Variants in AMY1C observed in about 807,000 individuals in gnomAD.
AMY1C encodes alpha-amylase 1C.
In AMY1C, 3 loss-of-function variants were observed where a neutral mutation model predicts 13.4. The observed-to-expected ratio is 0.22, with a 90% CI of 0.10 to 0.58. The LOEUF is 0.58. Among genes scored for constraint, AMY1C ranks in the 20% least tolerant of loss-of-function variants. The pLI, the probability that AMY1C is intolerant of heterozygous loss-of-function variation, is 0.91. For missense variants in AMY1C, 5 were observed against 96.4 expected (o/e 0.05, Z 3.97); for synonymous variants, 1 against 28.5 (o/e 0.04, Z 3.07).
intron 8 of AMY1C, among the ~76,000 whole-genome samples, chr1:103,756,377 T>TA (rs778687116): frequency 5.5e-3 from 6 of 1,086 alleles, no homozygotes; most frequent in Admixed American, 0.011. Context: ...TACTGAAAAT[T>TA]AAAAAAAAAA....
intron 6 of AMY1C, 117 bp from the exon 7 acceptor site, chr1:103,754,378 CTAAT>C: frequency 3.2e-6 from 2 of 631,530 alleles, no homozygotes; most frequent in Non-Finnish European, 2.5e-6. Flanking sequence ...GAGTAACCAT[CTAAT>C]TAGAGAAAGA....
chr1:103,750,294 TGA>T, intron 1 of AMY1C, 128 bp from the exon 2 acceptor site: 1 of 733,522 alleles, frequency 1.4e-6, no homozygotes, highest in Admixed American at 4.4e-5. Flanking sequence ...ATGATTTCCA[TGA>T]GAGACTTTTT....
At chr1:103,755,582 ATTCCTTTCAGT>A (rs1653931038) in intron 8 of AMY1C, among the ~76,000 whole-genome samples, 1 of 47,832 alleles carries the variant, frequency 2.1e-5, no homozygotes, top group African/African-American at 6.9e-5. Context: ...CTTTTTTTAG[ATTCCTTTCAGT>A]TTGAGAAGTC....
At position 103,750,458 on chromosome 1, in the gene AMY1C, C is replaced by T; in HGVS notation, c.-12C>T. The T allele has an allele frequency of 1.3e-5, 3 of 230,170 alleles. No homozygotes were observed. Among genetic ancestry groups the T allele is most frequent in the East Asian group, 9.3e-5 (1 of 10,762 alleles). The allele number at this position is 230,170 out of a possible 1,614,324, so 14.3% of individuals were successfully genotyped here. A position where few individuals can be genotyped will look rare whatever the true frequency, so the allele number is the denominator to read the frequency against. On this transcript the variant is annotated 5_prime_UTR_variant, in exon 2 of 11. Coordinates refer to ENST00000622339, the MANE Select transcript of AMY1C (RefSeq NM_001008219.3). The stretch of plus-strand genomic sequence containing the variant: ...TAGTTTCTGGAAAGGACACTGACAA[C>T]TTCAAAGCAAAATGAAGCTCTTTTG...
intron 7 of AMY1C, 37 bp downstream of exon 7, chr1:103,754,658 T>C (rs1195749935): frequency 6.3e-7 from 1 of 1,583,440 alleles, no homozygotes; most frequent in African/African-American, 1.4e-5. Context: ...AACACCTCTT[T>C]TAATGATGGT....
At chr1:103,755,497 G>C (rs1653927902) in intron 8 of AMY1C, among the ~76,000 whole-genome samples, 2 of 68,052 alleles carry the variant, frequency 2.9e-5, no homozygotes, top group South Asian at 5.1e-4. Context: ...CTAAAGGGTT[G>C]AGAAACAGCA....
At chr1:103,755,604 C>T (rs1267088337) in intron 8 of AMY1C, among the ~76,000 whole-genome samples, 36 of 84,620 alleles carry the variant, frequency 4.3e-4, no homozygotes, top group African/African-American at 1.1e-3. Context: ...TTGAGAAGTC[C>T]GCTACTATGT....
intron 8 of AMY1C, among the ~76,000 whole-genome samples, chr1:103,755,886 G>A (rs1476660626): frequency 7.2e-6 from 1 of 139,568 alleles, no homozygotes. Context: ...TTTTAATGAA[G>A]ATTTCTTAAA....
At chr1:103,754,389 A>G in intron 6 of AMY1C, 110 bp from the exon 7 acceptor site, 1 of 711,602 alleles carries the variant, frequency 1.4e-6, no homozygotes, top group South Asian at 1.7e-5. Flanking sequence ...TAATTAGAGA[A>G]AGAATTTAAT....
At chr1:103,756,048 T>C (rs1468240504) in intron 8 of AMY1C, among the ~76,000 whole-genome samples, 17 of 131,524 alleles carry the variant, frequency 1.3e-4, no homozygotes, top group African/African-American at 4.3e-4. Flanking sequence ...TTCACATATA[T>C]TACTTAATTT....
intron 8 of AMY1C, among the ~76,000 whole-genome samples, chr1:103,755,912 G>A (rs1197573811): frequency 7.0e-6 from 1 of 141,996 alleles, no homozygotes; most frequent in Admixed American, 6.9e-5. Context: ...AATCAGAAAA[G>A]CATAATACTA....
intron 6 of AMY1C, 148 bp from the exon 7 acceptor site, chr1:103,754,351 T>TAC: frequency 3.9e-6 from 2 of 510,602 alleles, no homozygotes; most frequent in Non-Finnish European, 6.6e-6. Context: ...TGTGTGTGTA[T>TAC]ATATATATAT....
intron 1 of AMY1C, 114 bp downstream of exon 1, chr1:103,750,180 A>C (rs1230166723): frequency 4.5e-6 from 1 of 222,760 alleles, no homozygotes; most frequent in South Asian, 1.8e-4. Context: ...ACATTAGGCC[A>C]CAGCAACATG....
chr1:103,754,922 A>G (rs1422383679), intron 8 of AMY1C, 108 bp downstream of exon 8: 2 of 875,846 alleles, frequency 2.3e-6, no homozygotes, highest in Admixed American at 7.8e-5. Context: ...ACAAATATTT[A>G]ATTATTGTAA....
At position 103,750,560 on chromosome 1, in the gene AMY1C, CTGTT is replaced by C. The variant is rs1361166800; in HGVS notation, c.94_97del (p.Phe32AsnfsTer15). The C allele has an allele frequency of 3.8e-6, 1 of 264,110 alleles. No homozygotes were observed. Among genetic ancestry groups the C allele is most frequent in the Non-Finnish European group, 6.6e-6 (1 of 152,482 alleles). The allele number at this position is 264,110 out of a possible 1,614,324, so 16.4% of individuals were successfully genotyped here. On this transcript the variant is annotated frameshift_variant, in exon 2 of 11. Coordinates refer to ENST00000622339, the MANE Select transcript of AMY1C (RefSeq NM_001008219.3). LOFTEE classifies it high-confidence loss of function. ...ACAAGGACGAACATCTATTGTTCATCTGTTTGAATGGCGATGGGTTGATATTGCT... is the reference window on the plus strand; with the variant it reads ...ACAAGGACGAACATCTATTGTTCATCTGAATGGCGATGGGTTGATATTGCT...
chr1:103,750,387 A>G (rs1653867926), intron 1 of AMY1C, 37 bp from the exon 2 acceptor site: 1 of 154,988 alleles, frequency 6.5e-6, no homozygotes, highest in Non-Finnish European at 8.9e-6. Context: ...GTATTTATTC[A>G]TGCTACTATT....
chr1:103,755,354 C>A, intron 8 of AMY1C, among the ~76,000 whole-genome samples: 1 of 90,416 alleles, frequency 1.1e-5, no homozygotes, highest in Non-Finnish European at 2.1e-5. Flanking sequence ...AGAGAGTATT[C>A]CAAGAAAGGT....
At chr1:103,755,993 G>T (rs1425898953) in intron 8 of AMY1C, among the ~76,000 whole-genome samples, 1 of 141,576 alleles carries the variant, frequency 7.1e-6, no homozygotes, top group African/African-American at 2.5e-5. Flanking sequence ...AAAGAAGCAT[G>T]ACGGCCTCCA....
chr1:103,750,545 A>G lies in AMY1C; in HGVS notation c.76A>G (p.Thr26Ala). 1 of 267,402 alleles carries G rather than the reference A, an allele frequency of 3.7e-6. No homozygotes were observed. The highest frequency in any genetic ancestry group is 6.5e-6 in the Non-Finnish European group (1 of 154,134). 16.6% of individuals were successfully genotyped at this position (267,402 alleles called of 1,614,324 possible). Residue 26 changes from threonine (T) to alanine (A), a missense_variant, in exon 2 of 11, where the codon ACA (threonine) becomes GCA (alanine). Transcript: ENST00000622339. Reference protein sequence around the residue: ...QYSSNTQQGRTSIVHLFEWRW... With the variant: ...QYSSNTQQGRASIVHLFEWRW... The stretch of plus-strand genomic sequence containing the variant: ...TTCCTCAAATACACAACAAGGACGA[A>G]CATCTATTGTTCATCTGTTTGAATG...
Sources: allele counts gnomAD v4.1 joint callset (sites outside exome capture counted in the v4.1 genomes callset), GRCh38; gene constraint gnomAD v4.1.1; transcripts MANE v1.5; gene names NCBI Gene and HGNC (gene_info 2026-07-23, HGNC 2026-07-21).